The following PDGFA variants were observed in gnomAD, a reference collection of about 807,000 sequenced individuals.
PDGFA encodes platelet derived growth factor subunit A.
In PDGFA, 9 loss-of-function variants were observed where a neutral mutation model predicts 25.6. That is an observed-to-expected ratio of 0.35 (90% CI 0.21 to 0.61). The LOEUF (loss-of-function observed/expected upper bound fraction) is 0.61. Ranked by LOEUF, PDGFA falls within the 20% of genes least tolerant of loss-of-function variation. PDGFA has a pLI of 0.75. For missense variants in PDGFA, 242 were observed against 272.8 expected (o/e 0.89, Z 0.79); for synonymous variants, 133 against 111.8 (o/e 1.19, Z -1.20).
rs755763096 is a variant in PDGFA at position 501,251 on chromosome 7, G to A, written c.454-9C>T. ...TATTCCACCTTGGCCACCTGCCAGA[G>A]AGAACAGAGCCCGGCCATGAATGCC... On this transcript the variant is annotated splice_polypyrimidine_tract_variant and intron_variant, in intron 4 of 5. Transcript: ENST00000402802. The A allele has an allele frequency of 9.3e-6, 15 of 1,613,944 alleles. No individual in the cohort carries two copies. The South Asian group carries it at 1.6e-4, about 18-fold the overall frequency.
At chr7:503,038 G>A (rs983188171) in intron 4 of PDGFA, among the ~76,000 whole-genome samples, 5 of 152,124 alleles carry the variant, frequency 3.3e-5, no homozygotes, top group Admixed American at 6.5e-5. Context: ...GACTGCATGA[G>A]TAGAGTATTG....
chr7:498,738 A>G (rs1583134688), intron 5 of PDGFA, among the ~76,000 whole-genome samples, 164 bp from the exon 6 acceptor site: 1 of 152,234 alleles, frequency 6.6e-6, no homozygotes, highest in African/African-American at 2.4e-5. Context: ...CATTTGCCAC[A>G]TTGGCCATGT....
intron 4 of PDGFA, among the ~76,000 whole-genome samples, chr7:508,590 T>TAAAAAAAC (rs1275774675): frequency 1.2e-4 from 16 of 130,950 alleles, no homozygotes; most frequent in Non-Finnish European, 1.6e-4. Flanking sequence ...AAAAAAAAAT[T>TAAAAAAAC]CTCAGCTGAG....
exon 6 of PDGFA, chr7:498,567 C>T: frequency 6.2e-7 from 1 of 1,609,850 alleles, no homozygotes; most frequent in Middle Eastern, 1.7e-4. Context: ...CTCATCCTCA[C>T]CTCACATCTG....
In PDGFA at chr7:500,932, T is replaced by C. The variant is rs1476636335; in HGVS notation, c.580+184A>G. ...TGGGCCACCCTCCCCACCGGACACC[T>C]GCAGGTGTGGGATCCGTCTCCCCCG... On this transcript the variant is annotated intron_variant, in intron 5 of 5. Transcript: ENST00000402802. This position sits in a 1 kb window ranked among gnomAD's most constrained non-coding sequence, Gnocchi z 5.0. 6 of 1,590,970 alleles carry C rather than the reference T, an allele frequency of 3.8e-6. No individual in the cohort carries two copies. In the African/African-American group the frequency reaches 6.7e-5, roughly 18 times the overall value.
rs1800815 is a variant in PDGFA, at chr7:511,022, G to A, written c.266-26C>T. ...CTGCAACGGCGGGGGCACAGTGAGC[G>A]GGGACCGGCCTCTGCGACCACGGCC... is the stretch of plus-strand genomic sequence containing the variant. On this transcript the variant is annotated intron_variant, in intron 3 of 5. Transcript: ENST00000402802. 2.9e-3 allele frequency: 4,635 copies of A among 1,596,700 alleles called. 17 individuals are homozygous for A. Among genetic ancestry groups the A allele is most frequent in the Non-Finnish European group, 3.6e-3 (4,227 of 1,167,792 alleles).
chr7:512,398 T>A (rs1272390791), exon 3 of PDGFA: 2 of 1,613,746 alleles, frequency 1.2e-6, no homozygotes, highest in Non-Finnish European at 1.7e-6. Context: ...CTCGGGCACA[T>A]GCTTAGTGGC....
chr7:498,671 T>C, intron 5 of PDGFA, 97 bp from the exon 6 acceptor site: 1 of 1,152,690 alleles, frequency 8.7e-7, no homozygotes, highest in South Asian at 1.3e-5. Flanking sequence ...GGTGAAAACA[T>C]TTAACCCAAT....
At chr7:506,159 G>A (rs9718966) in intron 4 of PDGFA, among the ~76,000 whole-genome samples, 1 of 140,994 alleles carries the variant, frequency 7.1e-6, no homozygotes, top group South Asian at 2.5e-4. Context: ...CTGGGCAACA[G>A]AGTGAGACTC....
At chr7:515,200 G>A (rs540270862) in intron 2 of PDGFA, among the ~76,000 whole-genome samples, 6 of 152,184 alleles carry the variant, frequency 3.9e-5, no homozygotes, top group African/African-American at 1.2e-4. Context: ...AAGGGACTCC[G>A]AGGGAAAGTT....
chr7:518,260 A>T (rs1169062970), intron 1 of PDGFA, among the ~76,000 whole-genome samples: 1 of 149,968 alleles, frequency 6.7e-6, no homozygotes, highest in Non-Finnish European at 1.5e-5. Context: ...GTCGCTGGGG[A>T]GCCTGAAGCA....
In PDGFA at chr7:500,179, CCAATCAACGA is replaced by C. The variant is rs1782263385; in HGVS notation, c.580+927_580+936del. Among the ~76,000 whole-genome samples, 1 of 152,206 alleles carries C rather than the reference CCAATCAACGA, an allele frequency of 6.6e-6. No individual in the cohort carries two copies. Among genetic ancestry groups the C allele is most frequent in the African/African-American group, 2.4e-5 (1 of 41,446 alleles). On this transcript the variant is annotated intron_variant, in intron 5 of 5. Transcript: ENST00000402802. The surrounding 1 kb of genome is among the most constrained non-coding windows in gnomAD (Gnocchi z 5.0). ...ATTCATGTGCAATGCTCCTGCATCC[CCAATCAACGA>C]CAAAGAGAAGGACAAAGCTGGAGGC...
chr7:511,033 T>C, intron 3 of PDGFA, 37 bp from the exon 4 acceptor site: 1 of 1,565,578 alleles, frequency 6.4e-7, no homozygotes, highest in Non-Finnish European at 8.8e-7. Flanking sequence ...GGGACCGGCC[T>C]CTGCGACCAC....
intron 2 of PDGFA, among the ~76,000 whole-genome samples, chr7:516,049 C>CCTCCG (rs558347240): frequency 3.5e-5 from 3 of 85,966 alleles, no homozygotes; most frequent in African/African-American, 1.5e-4. Flanking sequence ...AGCCCCCCCC[C>CCTCCG]CCCACTTTTC....
chr7:508,954 C>G (rs1782685371), intron 4 of PDGFA, among the ~76,000 whole-genome samples: 1 of 152,274 alleles, frequency 6.6e-6, no homozygotes, highest in African/African-American at 2.4e-5. Context: ...GGGCCAGGCC[C>G]TGCCTCAGAC....
At chr7:514,651 A>G (rs929382595) in intron 2 of PDGFA, among the ~76,000 whole-genome samples, 1 of 152,216 alleles carries the variant, frequency 6.6e-6, no homozygotes, top group African/African-American at 2.4e-5. Context: ...TCTCCCAACC[A>G]TCAGTCCTGG....
intron 2 of PDGFA, among the ~76,000 whole-genome samples, chr7:515,802 C>T (rs1487657511): frequency 6.6e-6 from 1 of 152,170 alleles, no homozygotes; most frequent in South Asian, 2.1e-4. Context: ...TAGAAGCCCC[C>T]GGGTGAGGAA....
intron 4 of PDGFA, among the ~76,000 whole-genome samples, chr7:506,177 A>AAC (rs1782558199): frequency 6.8e-6 from 1 of 147,912 alleles, no homozygotes; most frequent in Admixed American, 6.7e-5. Context: ...CTCTGTCTCA[A>AAC]AAAAAAAAAA....
At chr7:501,373 T>A in intron 4 of PDGFA, 131 bp from the exon 5 acceptor site, 1 of 1,093,010 alleles carries the variant, frequency 9.1e-7, no homozygotes, top group Non-Finnish European at 1.4e-6. Context: ...CCAGAAACAC[T>A]ACCTTGTGGT....
Sources: allele counts gnomAD v4.1 joint callset (sites outside exome capture counted in the v4.1 genomes callset), GRCh38; gene constraint gnomAD v4.1.1; non-coding constraint Gnocchi (gnomAD v3.1); transcripts MANE v1.5; gene names NCBI Gene and HGNC (gene_info 2026-07-23, HGNC 2026-07-21).